The following TMEM181 variants were observed in gnomAD, a reference collection of about 807,000 sequenced individuals.
The protein encoded by TMEM181 is G protein-coupled receptor 178.
In TMEM181, 39 loss-of-function variants were observed where a neutral mutation model predicts 71.9. The ratio of observed to expected loss-of-function variants is 0.54; its 90% CI spans 0.42 to 0.71. The LOEUF is 0.71. Among genes scored for constraint, TMEM181 ranks in the 30% least tolerant of loss-of-function variants. TMEM181 has a pLI of 0.00. For missense variants in TMEM181, 595 were observed against 583.0 expected (o/e 1.02, Z -0.21); for synonymous variants, 245 against 228.8 (o/e 1.07, Z -0.64).
chr6:158,596,473 C>T (rs1407209305), intron 6 of TMEM181, among the ~76,000 whole-genome samples: 1 of 152,174 alleles, frequency 6.6e-6, no homozygotes, highest in Non-Finnish European at 1.5e-5. Context: ...CTCCATTTCA[C>T]CGAGCCTGGT....
intron 1 of TMEM181, among the ~76,000 whole-genome samples, chr6:158,537,257 C>T (rs1417104710): frequency 6.6e-6 from 1 of 152,104 alleles, no homozygotes; most frequent in African/African-American, 2.4e-5. Flanking sequence ...CCTCACGCGG[C>T]GCAGTCTGGG....
At chr6:158,559,967 C>T, upstream of TMEM181, 1 of 807,102 alleles carries the variant, frequency 1.2e-6, no homozygotes, top group South Asian at 5.6e-5. Context: ...TCCGCCCCGG[C>T]ACGGGGCCAC....
At chr6:158,612,886 G>A (rs986943718) in intron 10 of TMEM181, among the ~76,000 whole-genome samples, 2 of 152,190 alleles carry the variant, frequency 1.3e-5, no homozygotes, top group Non-Finnish European at 2.9e-5. Context: ...AGCAGTTCCC[G>A]CAAGGGTGGC....
chr6:158,630,375 A>G (rs1410624689), intron 15 of TMEM181, among the ~76,000 whole-genome samples: 2 of 152,258 alleles, frequency 1.3e-5, no homozygotes, highest in African/African-American at 4.8e-5. Flanking sequence ...ATGTGCCTGT[A>G]GTCCTAGCTA....
intron 5 of TMEM181, among the ~76,000 whole-genome samples, chr6:158,587,632 CTTT>C (rs566949570): frequency 1.4e-5 from 2 of 141,680 alleles, no homozygotes; most frequent in African/African-American, 2.6e-5. Context: ...GCCTGGCTTC[CTTT>C]TTTTTTTTTT....
intron 1 of TMEM181, among the ~76,000 whole-genome samples, chr6:158,542,272 A>G (rs1167497567): frequency 6.6e-6 from 1 of 152,184 alleles, no homozygotes; most frequent in Non-Finnish European, 1.5e-5. Context: ...AGTATTGGGC[A>G]TTTTTATGTC....
intron 1 of TMEM181, among the ~76,000 whole-genome samples, chr6:158,547,360 C>T (rs1262101491): frequency 2.6e-5 from 4 of 152,218 alleles, no homozygotes; most frequent in Non-Finnish European, 5.9e-5. Context: ...TTAGCCTGAG[C>T]ACTGGGTTTT....
intron 1 of TMEM181, among the ~76,000 whole-genome samples, chr6:158,562,479 G>GTGTGTGT: frequency 1.4e-5 from 1 of 73,522 alleles, no homozygotes; most frequent in African/African-American, 6.0e-5. Context: ...TGTGTGTCTT[G>GTGTGTGT]CTTGGCACGT....
intron 10 of TMEM181, chr6:158,609,557 G>A (rs1247642663): frequency 6.5e-6 from 1 of 153,568 alleles, no homozygotes; most frequent in Non-Finnish European, 1.5e-5. Flanking sequence ...CCCGCTTTGA[G>A]GAAAAATATC....
intron 2 of TMEM181, among the ~76,000 whole-genome samples, chr6:158,574,958 T>G (rs1441415295): frequency 6.6e-6 from 1 of 152,114 alleles, no homozygotes; most frequent in Non-Finnish European, 1.5e-5. Context: ...CAGGTCCGAG[T>G]CTGAAAGCAG....
At chr6:158,594,539 A>G (rs1784291307) in intron 6 of TMEM181, among the ~76,000 whole-genome samples, 1 of 152,194 alleles carries the variant, frequency 6.6e-6, no homozygotes. Context: ...TCATGGAATA[A>G]TATTTCATTG....
At chr6:158,596,070 C>T (rs1293614754) in intron 6 of TMEM181, among the ~76,000 whole-genome samples, 2 of 152,018 alleles carry the variant, frequency 1.3e-5, no homozygotes, top group South Asian at 2.1e-4. Flanking sequence ...TACAGGTGCC[C>T]ACCACCACGC....
chr6:158,544,789 T>A (rs1421715215), intron 1 of TMEM181, among the ~76,000 whole-genome samples: 1 of 152,180 alleles, frequency 6.6e-6, no homozygotes, highest in Non-Finnish European at 1.5e-5. Context: ...GAGAACTCCC[T>A]CCTGCTCTTT....
At chr6:158,605,150 G>C (rs1365555579) in intron 6 of TMEM181, 117 bp from the exon 7 acceptor site, 1 of 540,370 alleles carries the variant, frequency 1.9e-6, no homozygotes, top group African/African-American at 2.5e-5. Flanking sequence ...GTGTGTGTGT[G>C]TGTGTGTGTA....
At chr6:158,544,984 A>T (rs1373028429) in intron 1 of TMEM181, among the ~76,000 whole-genome samples, 1 of 152,230 alleles carries the variant, frequency 6.6e-6, no homozygotes, top group Non-Finnish European at 1.5e-5. Flanking sequence ...CCCTGGCAAG[A>T]CTACCCTAAA....
intron 1 of TMEM181, among the ~76,000 whole-genome samples, chr6:158,569,379 C>A (rs79947900): frequency 6.6e-6 from 1 of 152,216 alleles, no homozygotes; most frequent in Non-Finnish European, 1.5e-5. Context: ...GCAGCACAGG[C>A]GGTTATACCC....
chr6:158,610,342 C>T (rs1017556629), intron 10 of TMEM181: 7 of 288,130 alleles, frequency 2.4e-5, no homozygotes, highest in African/African-American at 9.0e-5. Flanking sequence ...CAGCTCCCCC[C>T]GTAGGCAATT....
intron 1 of TMEM181, among the ~76,000 whole-genome samples, chr6:158,543,102 C>T (rs888491288): frequency 2.6e-5 from 4 of 151,984 alleles, no homozygotes; most frequent in Admixed American, 2.6e-4. Flanking sequence ...GTTTCGATCT[C>T]CTGACCTCGT....
At chr6:158,606,200 G>A in intron 7 of TMEM181, among the ~76,000 whole-genome samples, 1 of 148,724 alleles carries the variant, frequency 6.7e-6, no homozygotes, top group Admixed American at 6.8e-5. Flanking sequence ...GGAGGGAGGG[G>A]CGTGGGCGCT....
Sources: allele counts gnomAD v4.1 joint callset (sites outside exome capture counted in the v4.1 genomes callset), GRCh38; gene constraint gnomAD v4.1.1; transcripts MANE v1.5; gene names NCBI Gene and HGNC (gene_info 2026-07-23, HGNC 2026-07-21).